Variants in NRXN2 observed in about 807,000 individuals in gnomAD.
NRXN2 encodes neurexin 2, also known as neurexin-2-beta.
A neutral mutation model predicts 128.8 loss-of-function variants in NRXN2; 29 were observed. The ratio of observed to expected loss-of-function variants is 0.23; its 90% confidence interval spans 0.17 to 0.31. NRXN2 has a LOEUF of 0.31. Among genes scored for constraint, NRXN2 ranks in the 10% least tolerant of loss-of-function variants. NRXN2 has a pLI of 1.00. For synonymous variants in NRXN2, 1,098 were observed against 1,075.2 expected (o/e 1.02, Z -0.41); for missense variants, 1,881 against 2,452.6 (o/e 0.77, Z 4.92).
chr11:64,610,391 G>A (rs2040433561), intron 22 of NRXN2, among the ~76,000 whole-genome samples: 1 of 152,186 alleles, frequency 6.6e-6, no homozygotes, highest in Non-Finnish European at 1.5e-5. Flanking sequence ...ACCAGGTGTA[G>A]GTGCCCAGCA....
chr11:64,677,693 A>T (rs912504127), intron 6 of NRXN2, among the ~76,000 whole-genome samples: 2 of 152,038 alleles, frequency 1.3e-5, no homozygotes, highest in African/African-American at 4.8e-5. Context: ...AATGTTAGAG[A>T]GTGGAGGGGA....
In NRXN2 at chr11:64,623,118, A is replaced by G. The variant is rs1268012696; in HGVS notation, c.3848-40T>C. The G allele has an allele frequency of 1.9e-6, 3 of 1,569,018 alleles. No individual in the cohort carries two copies. Among genetic ancestry groups the G allele is most frequent in the East Asian group, 4.6e-5 (2 of 43,570 alleles). ...AGGGGGTGACAGAGAAGGGGCAGGCAGTGAGGGGAGACCAGGAAGGGAAGG... is the reference window on the plus strand; with the variant it reads ...AGGGGGTGACAGAGAAGGGGCAGGCGGTGAGGGGAGACCAGGAAGGGAAGG... On this transcript the variant is annotated intron_variant, in intron 20 of 22. Coordinates refer to ENST00000265459, the MANE Select transcript of NRXN2 (RefSeq NM_015080.4). The surrounding 1 kb of genome is among the most constrained non-coding windows in gnomAD (Gnocchi z 4.9).
At chr11:64,688,402 A>G (rs1378448287) in intron 5 of NRXN2, 1 of 985,370 alleles carries the variant, frequency 1.0e-6, no homozygotes, top group Non-Finnish European at 1.2e-6. Flanking sequence ...AAGTGTGGAA[A>G]GAAAACCCGA....
intron 2 of NRXN2, among the ~76,000 whole-genome samples, chr11:64,710,211 G>T (rs564656128): frequency 6.6e-6 from 1 of 151,532 alleles, no homozygotes; most frequent in East Asian, 1.9e-4. Context: ...CCTGGCTCAC[G>T]TTTCTTTTTC....
chr11:64,658,259 C>A (rs751838427), intron 11 of NRXN2, among the ~76,000 whole-genome samples: 1 of 152,170 alleles, frequency 6.6e-6, no homozygotes, highest in Non-Finnish European at 1.5e-5. Context: ...TATGCCCAGG[C>A]AAAGTAGGGG....
intron 17 of NRXN2, among the ~76,000 whole-genome samples, chr11:64,636,302 T>C (rs1237576440): frequency 6.7e-6 from 1 of 149,178 alleles, no homozygotes; most frequent in Non-Finnish European, 1.5e-5. Context: ...GCCAGCCGGC[T>C]GCTGGGGGCG....
chr11:64,649,632 T>C (rs1355450088), intron 15 of NRXN2, among the ~76,000 whole-genome samples: 1 of 152,124 alleles, frequency 6.6e-6, no homozygotes, highest in Non-Finnish European at 1.5e-5. Context: ...CAGCACTATG[T>C]CAAGAGATCT....
intron 9 of NRXN2, among the ~76,000 whole-genome samples, chr11:64,663,520 TA>T (rs2049352258): frequency 6.6e-6 from 1 of 152,130 alleles, no homozygotes; most frequent in African/African-American, 2.4e-5. Flanking sequence ...CCCACTCCCC[TA>T]ACAGGCCACC....
intron 2 of NRXN2, among the ~76,000 whole-genome samples, chr11:64,702,767 C>A (rs1341398087): frequency 6.8e-6 from 1 of 146,286 alleles, no homozygotes; most frequent in Non-Finnish European, 1.5e-5. Context: ...GCCAAATCCC[C>A]CTCTGCGAGA....
Position 64,607,460 on chromosome 11 carries a change from T to C in NRXN2, c.4875A>G (p.Ala1625=), listed in dbSNP as rs1270641412. 1 of 1,609,174 alleles carries C rather than the reference T, an allele frequency of 6.2e-7. No homozygotes were observed. The highest frequency in any genetic ancestry group is 8.5e-7 in the Non-Finnish European group (1 of 1,179,028). ...TGPGERGPPG[A]VEVIRESSST... is the part of the protein sequence containing the mutation. ...TGCTGGACTCCCGGATCACCTCCAC[T>C]GCGCCCGGCGGGCCCCGCTCCCCAG... is the stretch of plus-strand genomic sequence containing the variant. Residue 1625 remains alanine, a synonymous_variant, in exon 23 of 23, where the codon GCA becomes GCG. Transcript: ENST00000265459.
At chr11:64,636,527 A>C (rs939018812) in intron 17 of NRXN2, among the ~76,000 whole-genome samples, 2 of 152,168 alleles carry the variant, frequency 1.3e-5, no homozygotes, top group African/African-American at 4.8e-5. Context: ...CATTCTTTAG[A>C]ACATAAATGG....
At chr11:64,650,289 C>G (rs1157083956) in intron 15 of NRXN2, among the ~76,000 whole-genome samples, 159 bp downstream of exon 15, 1 of 151,948 alleles carries the variant, frequency 6.6e-6, no homozygotes, top group African/African-American at 2.4e-5. Context: ...AGAACTTGGA[C>G]AGGAAGATGT....
rs751162148 is a variant in NRXN2, at chr11:64,607,974, G to A, written c.4361C>T (p.Thr1454Met). 24 of 1,537,904 alleles carry A rather than the reference G, an allele frequency of 1.6e-5. No homozygotes were observed. The highest frequency in any genetic ancestry group is 2.0e-5 in the Non-Finnish European group (23 of 1,142,798). ...PPPPTFYPFL[T>M]GVGATQDTLP... Reference sequence around the variant, plus strand: ...CGTGTCTTGGGTGGCGCCCACTCCCGTGAGGAAGGGGTAGAAGGTAGGGGG... The same window carrying A: ...CGTGTCTTGGGTGGCGCCCACTCCCATGAGGAAGGGGTAGAAGGTAGGGGG... The change falls in exon 23 of 23, where the codon ACG becomes ATG. Residue 1454 changes from threonine (T) to methionine (M), a missense_variant. Physicochemically the swap from Thr to Met is moderately conservative, Grantham distance 81. Coordinates refer to ENST00000265459, the MANE Select transcript of NRXN2 (RefSeq NM_015080.4).
Position 64,648,999 on chromosome 11 carries a change from A to T in NRXN2, c.3110-92T>A. ...GCTGTCAGGTCCTCCCAGCCTTCTC[A>T]GGTTCTCTGCGTTCCATCCCAGATT... On this transcript the variant is annotated intron_variant, in intron 15 of 22. Coordinates refer to ENST00000265459, the MANE Select transcript of NRXN2 (RefSeq NM_015080.4). This position sits in a 1 kb window ranked among gnomAD's most constrained non-coding sequence, Gnocchi z 4.1. 7.4e-7 allele frequency: 1 copy of T among 1,351,058 alleles called. No homozygotes were observed. Among genetic ancestry groups the T allele is most frequent in the Non-Finnish European group, 1.1e-6 (1 of 948,894 alleles). The allele number at this position is 1,351,058 out of a possible 1,614,324, so 83.7% of individuals were successfully genotyped here. A position where few individuals can be genotyped will look rare whatever the true frequency, so the allele number is the denominator to read the frequency against.
intron 17 of NRXN2, chr11:64,637,572 G>C (rs1357136435): frequency 3.3e-5 from 5 of 152,420 alleles, no homozygotes; most frequent in South Asian, 2.1e-4. Flanking sequence ...TCTGAATTTG[G>C]GGGGTGGGGC....
chr11:64,656,535 T>C (rs1191615640), intron 11 of NRXN2, among the ~76,000 whole-genome samples: 3 of 151,990 alleles, frequency 2.0e-5, no homozygotes, highest in African/African-American at 4.8e-5. Flanking sequence ...GGGTGATTCA[T>C]GGGGTGGGGA....
chr11:64,661,116 T>A lies in NRXN2; in HGVS notation c.1822A>T (p.Ser608Cys). 2 of 1,613,556 alleles carry A rather than the reference T, an allele frequency of 1.2e-6. No individual in the cohort carries two copies. The highest frequency in any genetic ancestry group is 1.7e-6 in the Non-Finnish European group (2 of 1,180,022). Residue 608 changes from serine (S) to cysteine (C), a missense_variant, in exon 10 of 23, where the codon AGC becomes TGC. Physicochemically the swap from Ser to Cys is moderately radical, Grantham distance 112 (BLOSUM62 -1). This residue lies in a region of NRXN2 where 997 missense variants were observed against 1,240.8 expected (regional missense o/e 0.80). Transcript: ENST00000265459. ...TCTCCAGTGGCCAAGAACGGCGTGC[T>A]GCGACTATTCACTGAGATGGAGCCT... ...RKGSISVNSR[S>C]TPFLATGDSE... is the part of the protein sequence containing the mutation.
intron 20 of NRXN2, among the ~76,000 whole-genome samples, chr11:64,624,451 G>C (rs2042820475): frequency 6.6e-6 from 1 of 152,212 alleles, no homozygotes; most frequent in Non-Finnish European, 1.5e-5. Context: ...ATTACTAATG[G>C]CCAAGAGGCC....
rs2054771966 is a variant in NRXN2 at position 64,697,778 on chromosome 11, C to T, written c.745G>A (p.Glu249Lys). 1 of 1,613,870 alleles carries T rather than the reference C, an allele frequency of 6.2e-7. No homozygotes were observed. Among genetic ancestry groups the T allele is most frequent in the East Asian group, 2.2e-5 (1 of 44,858 alleles). The change falls in exon 3 of 23, where the codon GAA becomes AAA. Residue 249 changes from glutamate (E) to lysine (K), a missense_variant. Glu to Lys is a moderately conservative substitution (Grantham distance 56, BLOSUM62 1). Around this residue, in one of 7 missense-constraint regions of NRXN2, gnomAD observed 997 missense variants for 1,240.8 expected, o/e 0.80. Coordinates refer to ENST00000265459, the MANE Select transcript of NRXN2 (RefSeq NM_015080.4). ...GTGACAGAGAGGCTTCACTCACCTTCCATGGGGTGCTCCTCTGCAGCCAGC... is the reference window on the plus strand; with the variant it reads ...GTGACAGAGAGGCTTCACTCACCTTTCATGGGGTGCTCCTCTGCAGCCAGC... Reference protein sequence around the residue: ...KFCSEEEHPMEGPAHLTLNSE... With the variant: ...KFCSEEEHPMKGPAHLTLNSE...
Sources: gnomAD v4.1 joint callset for allele counts (sites outside exome capture counted in the v4.1 genomes callset) on GRCh38, gnomAD v4.1.1 for gene constraint, gnomAD v4.1.1 regional missense constraint, Gnocchi (gnomAD v3.1) non-coding constraint, MANE v1.5 for transcripts, NCBI Gene and HGNC (gene_info 2026-07-23, HGNC 2026-07-21) for gene names.